DCTN1: variants seen among roughly 807,000 people sequenced by gnomAD.
DCTN1 encodes 150 kDa dynein-associated polypeptide.
A neutral mutation model predicts 161.2 loss-of-function variants in DCTN1; 61 were observed. The ratio of observed to expected loss-of-function variants is 0.38; its 90% CI spans 0.31 to 0.47. The LOEUF is 0.47. Ranked by LOEUF, DCTN1 falls within the 20% of genes least tolerant of loss-of-function variation. DCTN1 has a pLI of 0.99. For synonymous variants in DCTN1, 653 were observed against 632.4 expected (o/e 1.03, Z -0.49); for missense variants, 1,404 against 1,623.7 (o/e 0.86, Z 2.33).
chr2:74,367,122 G>A lies in DCTN1; in HGVS notation c.2254-15C>T, dbSNP rs1186452308. On this transcript the variant is annotated splice_polypyrimidine_tract_variant and intron_variant, in intron 19 of 31. Coordinates refer to ENST00000628224, the MANE Select transcript of DCTN1 (RefSeq NM_004082.5). ...CTCTGCGTGAACTGTGAGGATAGAAGCATGCAATCATCAGCCCCCAGCAGG... is the reference window on the plus strand; with the variant it reads ...CTCTGCGTGAACTGTGAGGATAGAAACATGCAATCATCAGCCCCCAGCAGG... 2.5e-6 allele frequency: 4 copies of A among 1,613,954 alleles called. No individual in the cohort carries two copies. The highest frequency in any genetic ancestry group is 2.2e-5 in the East Asian group (1 of 44,896).
Position 74,369,496 on chromosome 2 carries a change from G to C in DCTN1, c.1393-5C>G. 1 of 1,611,758 alleles carries C rather than the reference G, an allele frequency of 6.2e-7. No homozygotes were observed. Among genetic ancestry groups the C allele is most frequent in the Non-Finnish European group, 8.5e-7 (1 of 1,179,984 alleles). The stretch of plus-strand genomic sequence containing the variant: ...GTTCATCTCATTCATCGCTTCCTAG[G>C]ACACCACACCATAGTTTGGGCTAAA... On this transcript the variant is annotated splice_polypyrimidine_tract_variant and splice_region_variant and intron_variant, in intron 13 of 31. Coordinates refer to ENST00000628224, the MANE Select transcript of DCTN1 (RefSeq NM_004082.5). This position sits in a 1 kb window ranked among gnomAD's most constrained non-coding sequence, Gnocchi z 4.9.
rs912363207 is a variant in DCTN1, at chr2:74,369,864, T to C, written c.1392+101A>G. On this transcript the variant is annotated intron_variant, in intron 13 of 31. Transcript: ENST00000628224. The surrounding 1 kb of genome is among the most constrained non-coding windows in gnomAD (Gnocchi z 4.9). ...CAGGGTCAGGGTAGCAAGCCCAGGCTGGGTCCCTCACCGCACACCCTGCTC... is the reference window on the plus strand; with the variant it reads ...CAGGGTCAGGGTAGCAAGCCCAGGCCGGGTCCCTCACCGCACACCCTGCTC... The C allele has an allele frequency of 4.4e-6, 5 of 1,123,752 alleles. No individual in the cohort carries two copies. In the African/African-American group the frequency reaches 4.6e-5, roughly 10 times the overall value. The allele number at this position is 1,123,752 out of a possible 1,614,324, so 69.6% of individuals were successfully genotyped here. A position where few individuals can be genotyped will look rare whatever the true frequency, so the allele number is the denominator to read the frequency against.
intron 1 of DCTN1, among the ~76,000 whole-genome samples, chr2:74,389,028 A>G (rs1035365685): frequency 1.1e-4 from 17 of 152,254 alleles, no homozygotes; most frequent in African/African-American, 3.9e-4. Context: ...GTGACACTAA[A>G]TCTCAATCCT....
In DCTN1 at chr2:74,378,019, A is replaced by G. The variant is rs72466488; in HGVS notation, c.260T>C (p.Ile87Thr). The change falls in exon 2 of 32, where the codon ATC (isoleucine) becomes ACC (threonine). Residue 87 changes from isoleucine to threonine, a missense_variant. Transcript: ENST00000628224. ...GAATACCTGGGACTGGCGCACAAAG[A>G]TGCCATGCCCTTCATCACAAGTGAA... Reference protein sequence around the residue: ...KYFTCDEGHGIFVRQSQIQVF... With the variant: ...KYFTCDEGHGTFVRQSQIQVF... 3.0e-5 allele frequency: 48 copies of G among 1,614,282 alleles called. No homozygotes were observed. Among genetic ancestry groups the G allele is most frequent in the Non-Finnish European group, 4.1e-5 (48 of 1,180,046 alleles).
In DCTN1 at chr2:74,371,625, G is replaced by A. The variant is rs916359967; in HGVS notation, c.557C>T (p.Pro186Leu). The change falls in exon 8 of 32, where the codon CCG (proline) becomes CTG (leucine). Residue 186 changes from proline (P) to leucine (L), a missense_variant. Pro to Leu is a moderately conservative substitution (Grantham distance 98, BLOSUM62 -3). Transcript: ENST00000628224. Reference protein sequence around the residue: ...GELSSSEPSTPAQTPLAAPII... With the variant: ...GELSSSEPSTLAQTPLAAPII... ...GGGTGCTGCCAGCGGAGTCTGAGCC[G>A]GGGTGCTGGGCTCACTGCTGCTCAG... 1.5e-5 allele frequency: 24 copies of A among 1,590,842 alleles called. No homozygotes were observed. Among genetic ancestry groups the A allele is most frequent in the South Asian group, 2.3e-5 (2 of 87,394 alleles).
chr2:74,387,812 C>T (rs192978472), intron 1 of DCTN1, among the ~76,000 whole-genome samples: 76 of 152,294 alleles, frequency 5.0e-4, no homozygotes, highest in African/African-American at 1.7e-3. Flanking sequence ...ACAATCATGT[C>T]ATCTTCCTGC....
In DCTN1 at chr2:74,374,688, C is replaced by G. The variant is rs567764128; in HGVS notation, c.415-348G>C. ...TCAGTGGCCGCAGCACCAGCTCCACCTGACGTCATGCACCCACCCTCCTCT... is the reference window on the plus strand; with the variant it reads ...TCAGTGGCCGCAGCACCAGCTCCACGTGACGTCATGCACCCACCCTCCTCT... On this transcript the variant is annotated intron_variant, in intron 5 of 31. Coordinates refer to ENST00000628224, the MANE Select transcript of DCTN1 (RefSeq NM_004082.5). 249 of 1,199,196 alleles carry G rather than the reference C, an allele frequency of 2.1e-4. 2 individuals carry two copies. The South Asian group carries it at 3.8e-3, about 18-fold the overall frequency. The allele number at this position is 1,199,196 out of a possible 1,614,324, so 74.3% of individuals were successfully genotyped here.
chr2:74,367,285 T>C (rs1319431916), intron 19 of DCTN1, 67 bp downstream of exon 19: 1 of 1,593,468 alleles, frequency 6.3e-7, no homozygotes, highest in Non-Finnish European at 8.6e-7. Context: ...GGGTGCCTGA[T>C]CTCTTGACCT....
chr2:74,375,060 G>A (rs987164454), intron 5 of DCTN1, among the ~76,000 whole-genome samples: 3 of 151,842 alleles, frequency 2.0e-5, no homozygotes, highest in African/African-American at 7.3e-5. Flanking sequence ...ATACAACCTG[G>A]CAACACCCTT....
rs1573163231 is a variant in DCTN1, at chr2:74,370,631, A to C, written c.1038T>G (p.Ile346Met). Residue 346 changes from isoleucine (I) to methionine (M), a missense_variant, in exon 10 of 32, where the codon ATT becomes ATG. Physicochemically the swap from Ile to Met is conservative, Grantham distance 10. This residue lies in a region of DCTN1 where 278 missense variants were observed against 363.8 expected (regional missense o/e 0.76). Coordinates refer to ENST00000628224, the MANE Select transcript of DCTN1 (RefSeq NM_004082.5). The surrounding 1 kb of genome is among the most constrained non-coding windows in gnomAD (Gnocchi z 4.4). ...CTGTGGGCCCCTTACCCTTCTCTTC[A>C]ATCTCAGCCTTGAGGATCTCTAAGT... ...TTDLEILKAE[I>M]EEKGSDGAAS... 6.2e-7 allele frequency: 1 copy of C among 1,614,062 alleles called. No individual in the cohort carries two copies. Among genetic ancestry groups the C allele is most frequent in the East Asian group, 2.2e-5 (1 of 44,878 alleles).
chr2:74,371,494 T>C, intron 8 of DCTN1, 43 bp downstream of exon 8: 1 of 1,532,952 alleles, frequency 6.5e-7, no homozygotes. Flanking sequence ...GCCACAAGCC[T>C]CTGGGTGTCT....
At chr2:74,381,889 G>A (rs1675526183), upstream of DCTN1, among the ~76,000 whole-genome samples, 1 of 152,192 alleles carries the variant, frequency 6.6e-6, no homozygotes, top group South Asian at 2.1e-4. Flanking sequence ...AGTTAGCTAA[G>A]AACAATGTCA....
At chr2:74,384,174 T>A (rs144641280), upstream of DCTN1, among the ~76,000 whole-genome samples, 7 of 152,364 alleles carry the variant, frequency 4.6e-5, no homozygotes, top group East Asian at 1.3e-3. Context: ...CTTAATTGCA[T>A]ACACGAATAC....
intron 24 of DCTN1, 94 bp downstream of exon 24, chr2:74,365,799 C>T (rs1243903250): frequency 1.2e-6 from 2 of 1,612,704 alleles, no homozygotes; most frequent in African/African-American, 1.3e-5. Flanking sequence ...CCCTTAACTC[C>T]CAAGCCGTCT....
chr2:74,365,501 G>A lies in DCTN1; in HGVS notation c.3029+14C>T. ...AGGATTAGAGGAAGCAAGGCCCCAG[G>A]GAAAGTGCCTGACTTCTCCTTCTTT... On this transcript the variant is annotated intron_variant, in intron 25 of 31. Transcript: ENST00000628224. 1 of 1,614,034 alleles carries A rather than the reference G, an allele frequency of 6.2e-7. No homozygotes were observed. Among genetic ancestry groups the A allele is most frequent in the Non-Finnish European group, 8.5e-7 (1 of 1,179,994 alleles).
intron 16 of DCTN1, chr2:74,368,333 A>G: frequency 1.4e-6 from 1 of 712,886 alleles, no homozygotes; most frequent in Non-Finnish European, 2.3e-6. Context: ...AGGAGTCAGG[A>G]TGTGAAAATG....
intron 20 of DCTN1, 36 bp downstream of exon 20, chr2:74,367,009 G>T (rs1268212390): frequency 6.2e-7 from 1 of 1,614,196 alleles, no homozygotes. Context: ...GACTAAGAAA[G>T]AAGAGGAGCT....
rs376996779 is a variant in DCTN1, at chr2:74,363,626, C to A, written c.3199G>T (p.Glu1067Ter). The change falls in exon 27 of 32, where the codon GAA becomes TAA. Residue 1067 changes from glutamate (E) to a stop codon, truncating the protein, a stop_gained and splice_region_variant. Transcript: ENST00000628224. LOFTEE classifies it high-confidence loss of function. Reference sequence around the variant, plus strand: ...AGTGGGTCTCTACCTCGCTGCTGTTCTTCTGTGCTCGGGATAGCCCATGGG... The same window carrying A: ...AGTGGGTCTCTACCTCGCTGCTGTTATTCTGTGCTCGGGATAGCCCATGGG... ...ATLVSGIAGE[E>*]QQRGAIPGQA... The A allele has an allele frequency of 4.2e-5, 67 of 1,613,686 alleles. No individual in the cohort carries two copies. Among genetic ancestry groups the A allele is most frequent in the Non-Finnish European group, 5.3e-5 (63 of 1,179,896 alleles).
At position 74,370,389 on chromosome 2, in the gene DCTN1, G is replaced by C. The variant is rs1430641288; in HGVS notation, c.1128-44C>G. On this transcript the variant is annotated intron_variant, in intron 11 of 31. Transcript: ENST00000628224. This position sits in a 1 kb window ranked among gnomAD's most constrained non-coding sequence, Gnocchi z 4.4. ...GGCAGAAGGAGGAAAGCACGTGTCA[G>C]AGTCTCTGGCGATGGGTGCTCTAAC... The C allele has an allele frequency of 6.2e-7, 1 of 1,614,042 alleles. No individual in the cohort carries two copies. The highest frequency in any genetic ancestry group is 1.1e-5 in the South Asian group (1 of 91,050).
Sources: allele counts gnomAD v4.1 joint callset (sites outside exome capture counted in the v4.1 genomes callset), GRCh38; gene constraint gnomAD v4.1.1; regional missense constraint gnomAD v4.1.1; non-coding constraint Gnocchi (gnomAD v3.1); transcripts MANE v1.5; gene names NCBI Gene and HGNC (gene_info 2026-07-23, HGNC 2026-07-21).